The following FLRT2 variants were observed in gnomAD, a reference collection of about 807,000 sequenced individuals.
FLRT2 encodes fibronectin leucine rich transmembrane protein 2, also known as leucine-rich repeat transmembrane protein FLRT2.
A neutral mutation model predicts 40.0 loss-of-function variants in FLRT2; 15 were observed. The observed-to-expected ratio is 0.38, with a 90% confidence interval of 0.25 to 0.58. FLRT2 has a LOEUF of 0.58. Among genes scored for constraint, FLRT2 ranks in the 20% least tolerant of loss-of-function variants. The pLI, the probability that FLRT2 is intolerant of heterozygous loss-of-function variation, is 0.71. For missense variants in FLRT2, 726 were observed against 840.0 expected, an observed-to-expected ratio of 0.86 and a Z score of 1.68; for synonymous variants, 380 against 336.8, an observed-to-expected ratio of 1.13 and a Z score of -1.41.
At position 85,649,495 on chromosome 14, in the gene FLRT2, A is replaced by C. The variant is rs576076234; in HGVS notation, c.*25998A>C. 124 of 152,242 alleles carry C rather than the reference A, an allele frequency of 8.1e-4. No homozygotes were observed. Among genetic ancestry groups the C allele is most frequent in the African/African-American group, 2.9e-3 (120 of 41,564 alleles). The allele number at this position is 152,242 out of a possible 1,614,324, so 9.4% of individuals were successfully genotyped here. On this transcript the variant is annotated 3_prime_UTR_variant, in exon 2 of 2. Transcript: ENST00000330753. ...TTTGTCAGATGAACTCCTTAACCAC[A>C]TTTGTTATCAGTAGCACACAATATA...
rs761670331 is a variant in FLRT2, at chr14:85,633,171, C to T, written c.*9674C>T. 6.6e-6 allele frequency: 1 copy of T among 152,082 alleles called. No individual in the cohort carries two copies. Among genetic ancestry groups the T allele is most frequent in the Non-Finnish European group, 1.5e-5 (1 of 68,016 alleles). 9.4% of individuals were successfully genotyped at this position (152,082 alleles called of 1,614,324 possible). Reference sequence around the variant, plus strand: ...TTAGCATTCAAAATTCCTCAAAACACTCAATAATTTGCACAGCTATTATCA... The same window carrying T: ...TTAGCATTCAAAATTCCTCAAAACATTCAATAATTTGCACAGCTATTATCA... On this transcript the variant is annotated 3_prime_UTR_variant, in exon 2 of 2. Coordinates refer to ENST00000330753, the MANE Select transcript of FLRT2 (RefSeq NM_013231.6).
chr14:85,611,900 G>GCA (rs1892883654), intron 1 of FLRT2, among the ~76,000 whole-genome samples: 1 of 90,022 alleles, frequency 1.1e-5, no homozygotes, highest in South Asian at 4.1e-4. Context: ...GAGAGAGAGA[G>GCA]CGCGCGTGCG....
intron 1 of FLRT2, among the ~76,000 whole-genome samples, chr14:85,617,601 C>T (rs1893191606): frequency 2.6e-5 from 4 of 151,972 alleles, no homozygotes; most frequent in Admixed American, 2.6e-4. Flanking sequence ...GCTGGAAATG[C>T]AAAGAAAATT....
chr14:85,592,664 CT>C (rs35468787), intron 1 of FLRT2, among the ~76,000 whole-genome samples: 46,266 of 150,996 alleles, frequency 0.31, 7,778 homozygotes, highest in African/African-American at 0.45. Flanking sequence ...GGTTGGGCAC[CT>C]GTAATCCCAG....
At chr14:85,537,433 C>A (rs1169715244) in intron 1 of FLRT2, among the ~76,000 whole-genome samples, 1 of 152,074 alleles carries the variant, frequency 6.6e-6, no homozygotes, top group Non-Finnish European at 1.5e-5. Flanking sequence ...AGTTAAACAA[C>A]CATTATCTTA....
In FLRT2 at chr14:85,621,737, A is replaced by G; in HGVS notation, c.223A>G (p.Ile75Val). ...TGTACTCTACCTCCACAACAACCAA[A>G]TTAATAATGCTGGATTTCCTGCAGA... ...VTVLYLHNNQ[I>V]NNAGFPAELH... The change falls in exon 2 of 2, where the codon ATT (isoleucine) becomes GTT (valine). Residue 75 changes from isoleucine (I) to valine (V), a missense_variant. Physicochemically the swap from Ile to Val is conservative, Grantham distance 29 (BLOSUM62 3). Transcript: ENST00000330753. 6.2e-7 allele frequency: 1 copy of G among 1,614,176 alleles called. No homozygotes were observed. The highest frequency in any genetic ancestry group is 8.5e-7 in the Non-Finnish European group (1 of 1,180,036).
chr14:85,609,127 C>T (rs1232415844), intron 1 of FLRT2, among the ~76,000 whole-genome samples: 1 of 152,166 alleles, frequency 6.6e-6, no homozygotes, highest in African/African-American at 2.4e-5. Flanking sequence ...ACTCCTCCTT[C>T]CCAATCCGAA....
At chr14:85,569,201 T>C (rs536174830) in intron 1 of FLRT2, among the ~76,000 whole-genome samples, 11 of 152,194 alleles carry the variant, frequency 7.2e-5, no homozygotes, top group Non-Finnish European at 1.5e-4. Context: ...GTTCTTTAAT[T>C]TCTCCTAGAA....
At position 85,644,342 on chromosome 14, in the gene FLRT2, C is replaced by G. The variant is rs8018835; in HGVS notation, c.*20845C>G. Reference sequence around the variant, plus strand: ...TTTTTATCTCAATAGGCAAAGAACACTAAAGTAGTCTGCTTTCACTTTCAT... The same window carrying G: ...TTTTTATCTCAATAGGCAAAGAACAGTAAAGTAGTCTGCTTTCACTTTCAT... On this transcript the variant is annotated 3_prime_UTR_variant, in exon 2 of 2. Coordinates refer to ENST00000330753, the MANE Select transcript of FLRT2 (RefSeq NM_013231.6). 0.33 allele frequency: 49,968 copies of G among 152,018 alleles called. 8,858 individuals carry two copies. Among genetic ancestry groups the G allele is most frequent in the Non-Finnish European group, 0.4 (27,111 of 67,968 alleles). 9.4% of individuals were successfully genotyped at this position (152,018 alleles called of 1,614,324 possible). A position where few individuals can be genotyped will look rare whatever the true frequency, so the allele number is the denominator to read the frequency against.
In FLRT2 at chr14:85,607,368, G is replaced by A. The variant is rs546048556; in HGVS notation, c.-376-13771G>A. Among the ~76,000 whole-genome samples the A allele has an allele frequency of 2.2e-3, 328 of 152,272 alleles. 5 individuals are homozygous for A. The highest frequency in any genetic ancestry group is 7.4e-3 in the African/African-American group (309 of 41,550). The stretch of plus-strand genomic sequence containing the variant: ...TCAGTGATTTTTAGAGTCTGGGAAA[G>A]CAATTAGAGTTAGGCGATATGACTT... On this transcript the variant is annotated intron_variant, in intron 1 of 1. Transcript: ENST00000330753.
At chr14:85,550,006 G>A (rs890033579) in intron 1 of FLRT2, among the ~76,000 whole-genome samples, 3 of 149,516 alleles carry the variant, frequency 2.0e-5, no homozygotes, top group Non-Finnish European at 4.4e-5. Flanking sequence ...GGATATGCTT[G>A]TTGAAGAACT....
intron 1 of FLRT2, among the ~76,000 whole-genome samples, chr14:85,553,265 G>T (rs950911817): frequency 2.0e-5 from 3 of 152,190 alleles, no homozygotes; most frequent in Admixed American, 1.3e-4. Context: ...AGACTGTGAT[G>T]ATAAAATTTT....
At chr14:85,597,451 C>T (rs1188866966) in intron 1 of FLRT2, among the ~76,000 whole-genome samples, 1 of 152,106 alleles carries the variant, frequency 6.6e-6, no homozygotes, top group Non-Finnish European at 1.5e-5. Flanking sequence ...TTGCTGGCTG[C>T]CATTACCAGC....
intron 1 of FLRT2, among the ~76,000 whole-genome samples, chr14:85,541,383 G>A (rs1013838146): frequency 1.3e-5 from 2 of 152,112 alleles, no homozygotes; most frequent in African/African-American, 4.8e-5. Flanking sequence ...TGAGCAGAGA[G>A]GTAGACACAA....
chr14:85,620,936 G>A (rs1893352258), intron 1 of FLRT2, among the ~76,000 whole-genome samples: 1 of 152,202 alleles, frequency 6.6e-6, no homozygotes, highest in African/African-American at 2.4e-5. Context: ...ATAGCATGAT[G>A]TCCTTTTGAA....
rs1212393662 is a variant in FLRT2, at chr14:85,633,381, C to A, written c.*9884C>A. 6.6e-6 allele frequency: 1 copy of A among 152,104 alleles called. No homozygotes were observed. Among genetic ancestry groups the A allele is most frequent in the Non-Finnish European group, 1.5e-5 (1 of 68,036 alleles). The allele number at this position is 152,104 out of a possible 1,614,324, so 9.4% of individuals were successfully genotyped here. Reference sequence around the variant, plus strand: ...ACTTCTTTATAATGTAGCATATATTCTATCTGGTTGCTAGAGTACACATAG... The same window carrying A: ...ACTTCTTTATAATGTAGCATATATTATATCTGGTTGCTAGAGTACACATAG... On this transcript the variant is annotated 3_prime_UTR_variant, in exon 2 of 2. Coordinates refer to ENST00000330753, the MANE Select transcript of FLRT2 (RefSeq NM_013231.6).
At chr14:85,576,408 T>C (rs1891129016) in intron 1 of FLRT2, among the ~76,000 whole-genome samples, 1 of 152,168 alleles carries the variant, frequency 6.6e-6, no homozygotes, top group Non-Finnish European at 1.5e-5. Flanking sequence ...GTATTTGCTG[T>C]CTCCAAACAG....
chr14:85,592,800 A>AAAAG (rs1566744805), intron 1 of FLRT2, among the ~76,000 whole-genome samples: 1 of 121,672 alleles, frequency 8.2e-6, no homozygotes. Flanking sequence ...AAAAAAAAAA[A>AAAAG]AAAAAAAGAA....
At position 85,648,650 on chromosome 14, in the gene FLRT2, C is replaced by G. The variant is rs1476075293; in HGVS notation, c.*25153C>G. The G allele has an allele frequency of 1.3e-5, 2 of 152,024 alleles. No homozygotes were observed. Among genetic ancestry groups the G allele is most frequent in the Admixed American group, 6.6e-5 (1 of 15,228 alleles). 9.4% of individuals were successfully genotyped at this position (152,024 alleles called of 1,614,324 possible). ...TATAATTTTCTAAGTGTATAATTGC[C>G]CATTTTCCCTAAATACCTAGGTAGG... is the stretch of plus-strand genomic sequence containing the variant. On this transcript the variant is annotated 3_prime_UTR_variant, in exon 2 of 2. Coordinates refer to ENST00000330753, the MANE Select transcript of FLRT2 (RefSeq NM_013231.6).
Sources: allele counts gnomAD v4.1 joint callset (sites outside exome capture counted in the v4.1 genomes callset), GRCh38; gene constraint gnomAD v4.1.1; transcripts MANE v1.5; gene names NCBI Gene and HGNC (gene_info 2026-07-23, HGNC 2026-07-21).